Variants in CHST11 observed in about 807,000 individuals in gnomAD.
The protein encoded by CHST11 is C4S-1.
Under a neutral mutation model 30.4 loss-of-function variants are expected in CHST11, and 9 were observed. The ratio of observed to expected loss-of-function variants is 0.30; its 90% CI spans 0.18 to 0.52. The LOEUF is 0.52. CHST11 is among the 20% of genes least tolerant of loss of function. The pLI is 0.97. For missense variants in CHST11, 348 were observed against 460.6 expected, an observed-to-expected ratio of 0.76 and a Z score of 2.24; for synonymous variants, 152 against 187.8, an observed-to-expected ratio of 0.81 and a Z score of 1.56.
intron 2 of CHST11, among the ~76,000 whole-genome samples, chr12:104,719,473 G>A (rs774860571): frequency 2.0e-5 from 3 of 152,198 alleles, no homozygotes; most frequent in Non-Finnish European, 4.4e-5. Flanking sequence ...GTGCACAGGT[G>A]CACGCACACA....
At chr12:104,658,983 AACC>A (rs2039571938) in intron 2 of CHST11, among the ~76,000 whole-genome samples, 1 of 152,230 alleles carries the variant, frequency 6.6e-6, no homozygotes. Context: ...ATACTTTATA[AACC>A]ACTTCTACTT....
chr12:104,562,728 C>T (rs551784028), intron 1 of CHST11, among the ~76,000 whole-genome samples: 1 of 152,310 alleles, frequency 6.6e-6, no homozygotes, highest in East Asian at 1.9e-4. Flanking sequence ...GCCTGCCTGC[C>T]GGGCCTGCCC....
At chr12:104,643,219 G>C (rs535511324) in intron 2 of CHST11, among the ~76,000 whole-genome samples, 1 of 152,078 alleles carries the variant, frequency 6.6e-6, no homozygotes, top group East Asian at 1.9e-4. Flanking sequence ...CCAGCTACTT[G>C]TGGGAGGCTG....
intron 2 of CHST11, among the ~76,000 whole-genome samples, chr12:104,745,439 A>G (rs2040382659): frequency 6.6e-6 from 1 of 152,146 alleles, no homozygotes; most frequent in Non-Finnish European, 1.5e-5. Context: ...TTGGTTCCAT[A>G]TGAATTATAG....
In CHST11 at chr12:104,717,601, G is replaced by A. The variant is rs113304233; in HGVS notation, c.205-39348G>A. On this transcript the variant is annotated intron_variant, in intron 2 of 2. Transcript: ENST00000303694. ...AGCCTAGCAAATATAGTGAAACCCC[G>A]TCTTTACTAAAAATACAAAAATTAG... is the stretch of plus-strand genomic sequence containing the variant. Among the ~76,000 whole-genome samples, 587 of 152,176 alleles carry A rather than the reference G, an allele frequency of 3.9e-3. 8 individuals are homozygous for A. The highest frequency in any genetic ancestry group is 0.014 in the African/African-American group (561 of 41,514).
At chr12:104,649,207 A>T (rs1201934894) in intron 2 of CHST11, among the ~76,000 whole-genome samples, 2 of 152,158 alleles carry the variant, frequency 1.3e-5, no homozygotes, top group Non-Finnish European at 2.9e-5. Flanking sequence ...ATATTCTTGG[A>T]ACATCATTAA....
intron 2 of CHST11, among the ~76,000 whole-genome samples, chr12:104,734,945 C>A (rs2040288084): frequency 6.6e-6 from 1 of 152,220 alleles, no homozygotes; most frequent in African/African-American, 2.4e-5. Context: ...CCCTGCCAGG[C>A]ACCACATGCC....
At position 104,708,486 on chromosome 12, in the gene CHST11, T is replaced by A. The variant is rs138155094; in HGVS notation, c.205-48463T>A. On this transcript the variant is annotated intron_variant, in intron 2 of 2. Transcript: ENST00000303694. ...TTTTGTAAAGTGAGGATCTCCTATC[T>A]CTGGCAGGATCCTGGTGAGGAGGAA... Among the ~76,000 whole-genome samples, 15 of 152,196 alleles carry A rather than the reference T, an allele frequency of 9.9e-5. No homozygotes were observed. The East Asian group carries it at 2.9e-3, about 29-fold the overall frequency.
intron 2 of CHST11, among the ~76,000 whole-genome samples, chr12:104,679,108 G>A (rs972393571): frequency 6.6e-6 from 1 of 152,180 alleles, no homozygotes; most frequent in Non-Finnish European, 1.5e-5. Context: ...ACCTGTGAGG[G>A]TGGATGTTCC....
At chr12:104,584,359 C>A (rs547822136) in intron 1 of CHST11, among the ~76,000 whole-genome samples, 164 of 150,370 alleles carry the variant, frequency 1.1e-3, no homozygotes, top group African/African-American at 3.7e-3. Context: ...CGGGTTCAAG[C>A]GCTTCTTATG....
chr12:104,631,407 A>C (rs1215524709), intron 2 of CHST11, among the ~76,000 whole-genome samples: 1 of 152,040 alleles, frequency 6.6e-6, no homozygotes, highest in Non-Finnish European at 1.5e-5. Context: ...CTGGCCTCTC[A>C]TCCCCCAGCG....
intron 1 of CHST11, among the ~76,000 whole-genome samples, chr12:104,504,335 CG>C (rs1047238722): frequency 5.3e-5 from 8 of 152,230 alleles, no homozygotes; most frequent in Admixed American, 6.5e-5. Context: ...GGCTTCTCAC[CG>C]GGGTGGACTC....
chr12:104,507,874 G>T (rs2037921874), intron 1 of CHST11, among the ~76,000 whole-genome samples: 1 of 152,150 alleles, frequency 6.6e-6, no homozygotes, highest in Non-Finnish European at 1.5e-5. Flanking sequence ...ATTGGCCACA[G>T]CAAGTCACAT....
chr12:104,624,817 G>A (rs1476350680), intron 2 of CHST11, among the ~76,000 whole-genome samples: 1 of 152,160 alleles, frequency 6.6e-6, no homozygotes, highest in African/African-American at 2.4e-5. Context: ...CAAGATCCAG[G>A]TGCCAGTAAG....
rs1252432187 is a variant in CHST11 at position 104,457,213 on chromosome 12, GACCA to G, written c.-196_-193del. The G allele has an allele frequency of 4.7e-5, 24 of 512,302 alleles. No individual in the cohort carries two copies. The East Asian group carries it at 6.2e-4, about 13-fold the overall frequency. The allele number at this position is 512,302 out of a possible 1,614,324, so 31.7% of individuals were successfully genotyped here. ...GGGTCCACGCATCTCAGCACTTCCAGACCAACTCCGGCACCTTCCACACCCCTGC... is the reference window on the plus strand; with the variant it reads ...GGGTCCACGCATCTCAGCACTTCCAGACTCCGGCACCTTCCACACCCCTGC... On this transcript the variant is annotated 5_prime_UTR_variant, in exon 1 of 3. Transcript: ENST00000303694.
At chr12:104,551,372 G>A (rs1165530810) in intron 1 of CHST11, among the ~76,000 whole-genome samples, 1 of 152,036 alleles carries the variant, frequency 6.6e-6, no homozygotes, top group Non-Finnish European at 1.5e-5. Flanking sequence ...TAGTGTGCAG[G>A]GAAGTTGGCT....
chr12:104,527,382 A>G (rs976296953), intron 1 of CHST11, among the ~76,000 whole-genome samples: 2 of 152,280 alleles, frequency 1.3e-5, no homozygotes, highest in African/African-American at 4.8e-5. Flanking sequence ...GGAGTGTCAC[A>G]GGAGGTCTTT....
In CHST11 at chr12:104,541,130, TCACA is replaced by T. The variant is rs71069763; in HGVS notation, c.119-60749_119-60746del. 3.3e-3 allele frequency among the ~76,000 whole-genome samples: 483 copies of T among 146,670 alleles called. 1 individual carries two copies. The highest frequency in any genetic ancestry group is 5.6e-3 in the Non-Finnish European group (372 of 66,504). ...GAATCTCTCCCTCTCTCTCTCTCTC[TCACA>T]CACACACACACACACACACACACAC... On this transcript the variant is annotated intron_variant, in intron 1 of 2. Coordinates refer to ENST00000303694, the MANE Select transcript of CHST11 (RefSeq NM_018413.6).
chr12:104,748,874 C>G (rs1345792581), intron 2 of CHST11, among the ~76,000 whole-genome samples: 1 of 152,140 alleles, frequency 6.6e-6, no homozygotes, highest in Admixed American at 6.5e-5. Context: ...GCTGTGTTCT[C>G]ACAAGCCCTC....
Sources: allele counts gnomAD v4.1 joint callset (sites outside exome capture counted in the v4.1 genomes callset), GRCh38; gene constraint gnomAD v4.1.1; transcripts MANE v1.5; gene names NCBI Gene and HGNC (gene_info 2026-07-23, HGNC 2026-07-21).